The following MTUS2 variants were observed in gnomAD, a reference collection of about 807,000 sequenced individuals.
MTUS2 encodes the protein microtubule-associated tumor suppressor candidate 2.
MTUS2 carries 40 observed loss-of-function variants against 114.1 expected under a neutral mutation model. The observed-to-expected ratio is 0.35, with a 90% CI of 0.27 to 0.46. The LOEUF is 0.46. MTUS2 is among the 20% of genes least tolerant of loss of function. The pLI, the probability that MTUS2 is intolerant of heterozygous loss-of-function variation, is 1.00. For missense variants in MTUS2, 1,679 were observed against 1,705.4 expected (o/e 0.98, Z 0.27); for synonymous variants, 688 against 672.0 (o/e 1.02, Z -0.37).
intron 8 of MTUS2, among the ~76,000 whole-genome samples, chr13:29,404,775 T>G (rs370156994): frequency 6.6e-6 from 1 of 152,182 alleles, no homozygotes; most frequent in Non-Finnish European, 1.5e-5. Flanking sequence ...GGCCTCATGA[T>G]AAAATAAATG....
chr13:29,038,681 G>A (rs1887195578), intron 4 of MTUS2, among the ~76,000 whole-genome samples: 1 of 152,230 alleles, frequency 6.6e-6, no homozygotes. Context: ...CAGGGAGATG[G>A]GAGTTTTATC....
At chr13:29,149,085 C>T (rs1892562979) in intron 5 of MTUS2, among the ~76,000 whole-genome samples, 1 of 152,044 alleles carries the variant, frequency 6.6e-6, no homozygotes, top group South Asian at 2.1e-4. Flanking sequence ...AATTCTAATT[C>T]TAGGTCTTAA....
intron 9 of MTUS2, among the ~76,000 whole-genome samples, chr13:29,469,494 G>A (rs1566218753): frequency 1.3e-5 from 2 of 152,052 alleles, no homozygotes. Flanking sequence ...GGGCGTGGTG[G>A]TGGGCGCCTG....
intron 4 of MTUS2, among the ~76,000 whole-genome samples, chr13:29,075,436 C>T (rs1889147908): frequency 1.3e-5 from 2 of 152,152 alleles, no homozygotes; most frequent in Admixed American, 1.3e-4. Context: ...TGTTTTCTGC[C>T]TGCAGAAGTT....
intron 9 of MTUS2, among the ~76,000 whole-genome samples, chr13:29,445,785 G>A (rs1878233546): frequency 6.6e-6 from 1 of 152,044 alleles, no homozygotes; most frequent in Non-Finnish European, 1.5e-5. Flanking sequence ...GCAAGCACCT[G>A]TAATCCCAGC....
chr13:29,435,186 T>C (rs1303631865), intron 8 of MTUS2, among the ~76,000 whole-genome samples: 3 of 152,186 alleles, frequency 2.0e-5, no homozygotes. Context: ...AAAGTGTCAG[T>C]TTCCAGTGAA....
chr13:29,332,213 A>G (rs143621944), intron 7 of MTUS2, among the ~76,000 whole-genome samples: 9 of 152,296 alleles, frequency 5.9e-5, no homozygotes, highest in African/African-American at 4.8e-5. Context: ...TTGGTAGGCT[A>G]TTAATTACTG....
chr13:28,978,183 A>T (rs984674499), intron 2 of MTUS2, among the ~76,000 whole-genome samples: 2 of 152,242 alleles, frequency 1.3e-5, no homozygotes, highest in African/African-American at 4.8e-5. Flanking sequence ...TATATTAAGA[A>T]TATAGAAAGT....
chr13:29,009,574 G>A (rs1885749407), intron 2 of MTUS2, among the ~76,000 whole-genome samples: 1 of 152,070 alleles, frequency 6.6e-6, no homozygotes, highest in South Asian at 2.1e-4. Context: ...GGGGAGAATA[G>A]CTGATTACAA....
chr13:29,445,086 T>G (rs1427470399), intron 9 of MTUS2, among the ~76,000 whole-genome samples: 12 of 152,202 alleles, frequency 7.9e-5, no homozygotes, highest in Non-Finnish European at 2.9e-5. Flanking sequence ...AGGTCTGTAG[T>G]TTGCATAGTG....
Position 29,246,340 on chromosome 13 carries a change from C to T in MTUS2, c.2645-35364C>T, listed in dbSNP as rs78148966. Reference sequence around the variant, plus strand: ...ACATCCGAGGCAGACCTAGACCATTCGGATCTTCTGAGTTTCCTTAGGATA... The same window carrying T: ...ACATCCGAGGCAGACCTAGACCATTTGGATCTTCTGAGTTTCCTTAGGATA... On this transcript the variant is annotated intron_variant, in intron 5 of 15. Transcript: ENST00000612955. Among the ~76,000 whole-genome samples, 1,132 of 152,272 alleles carry T rather than the reference C, an allele frequency of 7.4e-3. 5 individuals are homozygous for T. Among genetic ancestry groups the T allele is most frequent in the Non-Finnish European group, 0.011 (778 of 68,024 alleles).
At chr13:29,335,793 G>A (rs1901034346) in intron 7 of MTUS2, among the ~76,000 whole-genome samples, 2 of 152,128 alleles carry the variant, frequency 1.3e-5, no homozygotes, top group Admixed American at 1.3e-4. Context: ...TTTCCAACTT[G>A]GTTCCTTTCT....
In MTUS2 at chr13:29,503,285, C is replaced by A. The variant is rs893918362; in HGVS notation, c.*79C>A. On this transcript the variant is annotated 3_prime_UTR_variant, in exon 16 of 16. Transcript: ENST00000612955. ...TGAGGGAGCACCGACCCGGTGCCGC[C>A]GGAGCTGGCCCTGTGCGCATGCTCA... 1.3e-6 allele frequency: 2 copies of A among 1,517,160 alleles called. No individual in the cohort carries two copies. The highest frequency in any genetic ancestry group is 3.5e-5 in the Admixed American group (2 of 57,118). The allele number at this position is 1,517,160 out of a possible 1,614,324, so 94.0% of individuals were successfully genotyped here.
chr13:28,832,681 ATATT>A (rs575252355), intron 1 of MTUS2, among the ~76,000 whole-genome samples: 168 of 147,934 alleles, frequency 1.1e-3, no homozygotes, highest in African/African-American at 4.0e-3. Flanking sequence ...TTAAAATTAT[ATATT>A]TATATAAATA....
chr13:29,257,057 G>A (rs1488646990), intron 5 of MTUS2, among the ~76,000 whole-genome samples: 2 of 152,148 alleles, frequency 1.3e-5, no homozygotes, highest in African/African-American at 4.8e-5. Context: ...TCTCCCAGGT[G>A]CATTTCCCTG....
At chr13:29,347,620 A>G (rs1299235282) in intron 7 of MTUS2, among the ~76,000 whole-genome samples, 1 of 151,846 alleles carries the variant, frequency 6.6e-6, no homozygotes. Context: ...TTCTCTGTGG[A>G]CGCCACCTGA....
At position 29,039,222 on chromosome 13, in the gene MTUS2, G is replaced by A. The variant is rs111954030; in HGVS notation, c.2446+5097G>A. Among the ~76,000 whole-genome samples the A allele has an allele frequency of 4.8e-3, 724 of 152,330 alleles. 2 individuals are homozygous for A. Among genetic ancestry groups the A allele is most frequent in the Non-Finnish European group, 7.2e-3 (491 of 68,016 alleles). ...GCTCGGGGCAGCACCCTGGCCCGGG[G>A]CTAGCCCAGGAGCCAGCTCAGGTAG... On this transcript the variant is annotated intron_variant, in intron 4 of 15. Transcript: ENST00000612955.
At chr13:29,180,981 G>GA (rs960188375) in intron 5 of MTUS2, among the ~76,000 whole-genome samples, 6 of 151,470 alleles carry the variant, frequency 4.0e-5, no homozygotes, top group East Asian at 3.9e-4. Context: ...AGAATATCCT[G>GA]AAAAAAAAAT....
chr13:29,460,186 C>T (rs1879384509), intron 9 of MTUS2, among the ~76,000 whole-genome samples: 1 of 152,070 alleles, frequency 6.6e-6, no homozygotes, highest in Non-Finnish European at 1.5e-5. Context: ...ATTGACTTGC[C>T]CGAGGCTAGA....
Sources: gnomAD v4.1 joint callset for allele counts (sites outside exome capture counted in the v4.1 genomes callset) on GRCh38, gnomAD v4.1.1 for gene constraint, MANE v1.5 for transcripts, NCBI Gene and HGNC (gene_info 2026-07-23, HGNC 2026-07-21) for gene names.